The following BAG2 variants were observed in gnomAD, a reference collection of about 807,000 sequenced individuals.
BAG2 encodes BAG family molecular chaperone regulator 2.
In BAG2, 8 loss-of-function variants were observed where a neutral mutation model predicts 16.4. That is an observed-to-expected ratio of 0.49 (90% confidence interval 0.29 to 0.88). The LOEUF (loss-of-function observed/expected upper bound fraction) is 0.88, where lower values mean the gene tolerates loss of function less well. Ranked by LOEUF, BAG2 falls within the 40% of genes least tolerant of loss-of-function variation. The pLI, the probability that BAG2 is intolerant of heterozygous loss-of-function variation, is 0.09. For synonymous variants in BAG2, 82 were observed against 89.2 expected (o/e 0.92, Z 0.46); for missense variants, 218 against 248.9 (o/e 0.88, Z 0.84).
chr6:57,180,664 A>G (rs1562641536), intron 1 of BAG2, among the ~76,000 whole-genome samples: 1 of 152,172 alleles, frequency 6.6e-6, no homozygotes, highest in Non-Finnish European at 1.5e-5. Flanking sequence ...ACATAAATAT[A>G]AGGAAGGTAG....
In BAG2 at chr6:57,185,968, G is replaced by C. The variant is rs2127994078; in HGVS notation, c.*1778G>C. 6.6e-6 allele frequency: 1 copy of C among 152,126 alleles called. No homozygotes were observed. Among genetic ancestry groups the C allele is most frequent in the African/African-American group, 2.4e-5 (1 of 41,496 alleles). 9.4% of individuals were successfully genotyped at this position (152,126 alleles called of 1,614,324 possible). ...TTTTTTTGCAATGGAGTTTTTAATG[G>C]AGGTCATTGATTTCTGATCACAGAC... is the stretch of plus-strand genomic sequence containing the variant. On this transcript the variant is annotated 3_prime_UTR_variant, in exon 3 of 3. Coordinates refer to ENST00000370693, the MANE Select transcript of BAG2 (RefSeq NM_004282.4).
intron 1 of BAG2, among the ~76,000 whole-genome samples, chr6:57,175,569 C>T (rs1027780077): frequency 6.6e-6 from 1 of 152,236 alleles, no homozygotes; most frequent in African/African-American, 2.4e-5. Flanking sequence ...ACTGGCCTTG[C>T]TGGGTTTCCC....
In BAG2 at chr6:57,182,064, T is replaced by C. The variant is rs773144401; in HGVS notation, c.146T>C (p.Val49Ala). The C allele has an allele frequency of 6.2e-7, 1 of 1,614,164 alleles. No individual in the cohort carries two copies. The highest frequency in any genetic ancestry group is 8.5e-7 in the Non-Finnish European group (1 of 1,180,010). ...VEALREAATA[V>A]EQEKEILLEM... ...GCTTTGAGAGAAGCAGCAACTGCTG[T>C]TGAGCAAGAGAAAGAAATCCTTCTG... The change falls in exon 2 of 3, where the codon GTT becomes GCT. Residue 49 changes from valine (V) to alanine (A), a missense_variant. This residue lies in a region of BAG2 where 75 missense variants were observed against 63.1 expected (regional missense o/e 1.19). Coordinates refer to ENST00000370693, the MANE Select transcript of BAG2 (RefSeq NM_004282.4).
chr6:57,173,430 G>T, intron 1 of BAG2: 2 of 985,312 alleles, frequency 2.0e-6, no homozygotes, highest in Non-Finnish European at 2.4e-6. Context: ...CTAACCTCGC[G>T]GACGGGATTC....
At position 57,189,120 on chromosome 6, in the gene BAG2, T is replaced by TATC. The variant is rs1764731691; in HGVS notation, c.*4931_*4933dup. The TATC allele has an allele frequency of 6.6e-6, 1 of 152,312 alleles. No homozygotes were observed. Among genetic ancestry groups the TATC allele is most frequent in the South Asian group, 2.1e-4 (1 of 4,824 alleles). The allele number at this position is 152,312 out of a possible 1,614,324, so 9.4% of individuals were successfully genotyped here. On this transcript the variant is annotated 3_prime_UTR_variant, in exon 3 of 3. Transcript: ENST00000370693. ...TCAGTTTTAACAGAGTTCACGCAAT[T>TATC]ATCTTAGCTGGAAAGCTACTGTCCC...
At chr6:57,182,248 C>A in intron 2 of BAG2, 107 bp downstream of exon 2, 1 of 797,472 alleles carries the variant, frequency 1.3e-6, no homozygotes. Context: ...TACACCAGGC[C>A]ACAGCATTTA....
At chr6:57,178,165 G>T (rs1593192560) in intron 1 of BAG2, among the ~76,000 whole-genome samples, 1 of 152,040 alleles carries the variant, frequency 6.6e-6, no homozygotes, top group Non-Finnish European at 1.5e-5. Flanking sequence ...GAAACATGAA[G>T]GATAAAGTGA....
intron 1 of BAG2, 82 bp downstream of exon 1, chr6:57,172,892 T>C: frequency 8.1e-7 from 1 of 1,235,650 alleles, no homozygotes; most frequent in South Asian, 1.8e-5. Flanking sequence ...AGGCCGCGTG[T>C]GGCGGGCCGG....
Position 57,172,527 on chromosome 6 carries a change from G to T in BAG2, c.-171G>T. 2 of 493,448 alleles carry T rather than the reference G, an allele frequency of 4.1e-6. No homozygotes were observed. The highest frequency in any genetic ancestry group is 6.9e-6 in the Non-Finnish European group (2 of 288,602). 30.6% of individuals were successfully genotyped at this position (493,448 alleles called of 1,614,324 possible). A position where few individuals can be genotyped will look rare whatever the true frequency, so the allele number is the denominator to read the frequency against. On this transcript the variant is annotated 5_prime_UTR_variant, in exon 1 of 3. Coordinates refer to ENST00000370693, the MANE Select transcript of BAG2 (RefSeq NM_004282.4). ...GCGGGCGCCGCGCCTGCCCTTCTTT[G>T]GCTACGCTGCAGCCGCGGTGTCGGC...
rs533824565 is a variant in BAG2 at position 57,185,119 on chromosome 6, C to A, written c.*929C>A. ...ATTATATTGGGTCAAAGGATATAGA[C>A]GTTTTCATGGCCTCACACATATTAA... On this transcript the variant is annotated 3_prime_UTR_variant, in exon 3 of 3. Coordinates refer to ENST00000370693, the MANE Select transcript of BAG2 (RefSeq NM_004282.4). The A allele has an allele frequency of 3.9e-5, 6 of 152,206 alleles. No homozygotes were observed. The East Asian group carries it at 1.2e-3, about 29-fold the overall frequency. 9.4% of individuals were successfully genotyped at this position (152,206 alleles called of 1,614,324 possible). A position where few individuals can be genotyped will look rare whatever the true frequency, so the allele number is the denominator to read the frequency against.
At chr6:57,179,034 T>C (rs1308467070) in intron 1 of BAG2, among the ~76,000 whole-genome samples, 1 of 152,214 alleles carries the variant, frequency 6.6e-6, no homozygotes, top group Non-Finnish European at 1.5e-5. Context: ...TGTTGAAAAA[T>C]TAATCTCTTC....
rs370142911 is a variant in BAG2, at chr6:57,188,723, A to G, written c.*4533A>G. 6.6e-6 allele frequency: 1 copy of G among 152,290 alleles called. No homozygotes were observed. The highest frequency in any genetic ancestry group is 1.9e-4 in the East Asian group (1 of 5,184). 9.4% of individuals were successfully genotyped at this position (152,290 alleles called of 1,614,324 possible). A position where few individuals can be genotyped will look rare whatever the true frequency, so the allele number is the denominator to read the frequency against. Reference sequence around the variant, plus strand: ...GACAACTGGTGACATAAAAATAAGCATTTTACATTACTGTGAAATAGATAA... The same window carrying G: ...GACAACTGGTGACATAAAAATAAGCGTTTTACATTACTGTGAAATAGATAA... On this transcript the variant is annotated 3_prime_UTR_variant, in exon 3 of 3. Coordinates refer to ENST00000370693, the MANE Select transcript of BAG2 (RefSeq NM_004282.4).
At chr6:57,182,606 A>G (rs536900104) in intron 2 of BAG2, among the ~76,000 whole-genome samples, 24 of 151,784 alleles carry the variant, frequency 1.6e-4, no homozygotes, top group African/African-American at 5.6e-4. Context: ...AAATGAGGAA[A>G]CTTGTAGGAC....
chr6:57,183,126 A>G (rs1764514119), intron 2 of BAG2, among the ~76,000 whole-genome samples: 1 of 152,230 alleles, frequency 6.6e-6, no homozygotes, highest in Admixed American at 6.5e-5. Context: ...ACTGTTACAC[A>G]TCTATAGGTA....
intron 1 of BAG2, 55 bp downstream of exon 1, chr6:57,172,865 G>C: frequency 4.4e-6 from 6 of 1,378,546 alleles, no homozygotes; most frequent in Non-Finnish European, 5.7e-6. Flanking sequence ...GGCGGTTCGC[G>C]GGCGGTTAGC....
chr6:57,182,251 A>G (rs1013579520), intron 2 of BAG2, 110 bp downstream of exon 2: 1 of 771,608 alleles, frequency 1.3e-6, no homozygotes, highest in Non-Finnish European at 2.1e-6. Flanking sequence ...ACCAGGCCAC[A>G]GCATTTAATG....
intron 1 of BAG2, among the ~76,000 whole-genome samples, chr6:57,181,603 G>C (rs892665376): frequency 6.6e-6 from 1 of 152,062 alleles, no homozygotes; most frequent in African/African-American, 2.4e-5. Context: ...TGGAGGCTGA[G>C]GCACGAGAAT....
intron 1 of BAG2, among the ~76,000 whole-genome samples, chr6:57,175,744 G>T (rs1468425007): frequency 6.6e-6 from 1 of 152,084 alleles, no homozygotes; most frequent in Non-Finnish European, 1.5e-5. Flanking sequence ...CTGGAAGGTG[G>T]TGTGCCCCTT....
chr6:57,172,607 G>A lies in BAG2; in HGVS notation c.-91G>A. 2.7e-6 allele frequency: 3 copies of A among 1,124,400 alleles called. No individual in the cohort carries two copies. Among genetic ancestry groups the A allele is most frequent in the Non-Finnish European group, 3.5e-6 (3 of 847,258 alleles). The allele number at this position is 1,124,400 out of a possible 1,614,324, so 69.7% of individuals were successfully genotyped here. On this transcript the variant is annotated 5_prime_UTR_variant, in exon 1 of 3. In the 5' UTR this introduces an upstream ATG that the reference lacks. Coordinates refer to ENST00000370693, the MANE Select transcript of BAG2 (RefSeq NM_004282.4). ...CAGAGGGAGGGCGGGCGCCCGCGTG[G>A]TGACGGCGACGCCTGCAGCCCAAGG...
Sources: gnomAD v4.1 joint callset for allele counts (sites outside exome capture counted in the v4.1 genomes callset) on GRCh38, gnomAD v4.1.1 for gene constraint, gnomAD v4.1.1 regional missense constraint, MANE v1.5 for transcripts, NCBI Gene and HGNC (gene_info 2026-07-23, HGNC 2026-07-21) for gene names.